TECPR2: variants seen among roughly 807,000 people sequenced by gnomAD.
TECPR2 encodes tectonin beta-propeller repeat containing 2, also known as tectonin beta-propeller repeat-containing protein 2.
In TECPR2, 65 loss-of-function variants were observed where a neutral mutation model predicts 138.1. The observed-to-expected ratio is 0.47, with a 90% CI of 0.39 to 0.58. The LOEUF is 0.58. Ranked by LOEUF, TECPR2 falls within the 20% of genes least tolerant of loss-of-function variation. The probability of loss-of-function intolerance (pLI) is 0.00; values close to 1 mark genes in which losing one functional copy is unlikely to be tolerated. For missense variants in TECPR2, 1,553 were observed against 1,824.5 expected (o/e 0.85, Z 2.71); for synonymous variants, 746 against 749.8 (o/e 0.99, Z 0.08).
Position 102,438,220 on chromosome 14 carries a change from TCCC to T in TECPR2, c.2578+16_2578+18del. 1.1e-6 allele frequency: 1 copy of T among 870,652 alleles called. No homozygotes were observed. 53.9% of individuals were successfully genotyped at this position (870,652 alleles called of 1,614,324 possible). A position where few individuals can be genotyped will look rare whatever the true frequency, so the allele number is the denominator to read the frequency against. ...CTCGCCCTCAGGTTCGCCTCCCCGC[TCCC>T]TGCTCCCGCTCCCTGCTCCCGCTCG... On this transcript the variant is annotated intron_variant, in intron 10 of 19. Coordinates refer to ENST00000359520, the MANE Select transcript of TECPR2 (RefSeq NM_014844.5).
intron 10 of TECPR2, chr14:102,438,442 G>T: frequency 2.0e-6 from 1 of 496,510 alleles, no homozygotes; most frequent in Non-Finnish European, 3.5e-6. Context: ...TTGAGTTTTT[G>T]TTTTCTTTAT....
In TECPR2 at chr14:102,481,967, G is replaced by A. The variant is rs190937357; in HGVS notation, c.3790-15012G>A. 2.3e-3 allele frequency among the ~76,000 whole-genome samples: 352 copies of A among 152,296 alleles called. 1 individual carries two copies. The highest frequency in any genetic ancestry group is 7.4e-3 in the African/African-American group (309 of 41,572). ...GGAGCTCTTCACAGCGGAGGCAGGG[G>A]ATGAATCACACCTGCAGTTCCTTGT... On this transcript the variant is annotated intron_variant, in intron 17 of 19. Coordinates refer to ENST00000359520, the MANE Select transcript of TECPR2 (RefSeq NM_014844.5).
chr14:102,441,087 C>T (rs913796775), intron 11 of TECPR2, among the ~76,000 whole-genome samples: 4 of 152,010 alleles, frequency 2.6e-5, no homozygotes, highest in Non-Finnish European at 4.4e-5. Flanking sequence ...TATTTTGAGA[C>T]GGAGTCTCGC....
At chr14:102,437,775 C>T (rs1171548584) in intron 9 of TECPR2, among the ~76,000 whole-genome samples, 1 of 152,124 alleles carries the variant, frequency 6.6e-6, no homozygotes, top group Non-Finnish European at 1.5e-5. Context: ...GGTGTTAGAA[C>T]AGGAGAAAAT....
intron 15 of TECPR2, among the ~76,000 whole-genome samples, 185 bp downstream of exon 15, chr14:102,450,834 A>AC (rs1361935304): frequency 6.6e-6 from 1 of 152,206 alleles, no homozygotes; most frequent in African/African-American, 2.4e-5. Flanking sequence ...GATAGGCCTG[A>AC]CCAGGAGAGC....
At position 102,428,320 on chromosome 14, in the gene TECPR2, T is replaced by C; in HGVS notation, c.1022T>C (p.Phe341Ser). 1 of 1,613,338 alleles carries C rather than the reference T, an allele frequency of 6.2e-7. No individual in the cohort carries two copies. Residue 341 changes from phenylalanine (F) to serine (S), a missense_variant, in exon 7 of 20, where the codon TTC (phenylalanine) becomes TCC (serine). Phe to Ser is a radical substitution (Grantham distance 155). Transcript: ENST00000359520. ...SVSCTENEIF[F>S]LKGDRNIIRI... Reference sequence around the variant, plus strand: ...TCGTGCACAGAAAATGAAATATTTTTCTTGAAAGGAGATAGGAACATTATA... The same window carrying C: ...TCGTGCACAGAAAATGAAATATTTTCCTTGAAAGGAGATAGGAACATTATA...
At chr14:102,401,648 C>CA (rs1311967258) in intron 2 of TECPR2, among the ~76,000 whole-genome samples, 1 of 149,812 alleles carries the variant, frequency 6.7e-6, no homozygotes, top group East Asian at 2.0e-4. Context: ...TTAAAAAATA[C>CA]AAAAAAATTA....
rs140888584 is a variant in TECPR2 at position 102,426,944 on chromosome 14, T to C, written c.952-1306T>C. 1.9e-3 allele frequency among the ~76,000 whole-genome samples: 290 copies of C among 152,332 alleles called. 2 individuals carry two copies. Among genetic ancestry groups the C allele is most frequent in the African/African-American group, 6.3e-3 (260 of 41,566 alleles). On this transcript the variant is annotated intron_variant, in intron 6 of 19. Coordinates refer to ENST00000359520, the MANE Select transcript of TECPR2 (RefSeq NM_014844.5). ...TTCTCCTCATTGAAGTTTTATGAATTATTATCAGCCGTACCTGGTAACACT... is the reference window on the plus strand; with the variant it reads ...TTCTCCTCATTGAAGTTTTATGAATCATTATCAGCCGTACCTGGTAACACT...
At chr14:102,486,301 T>TA (rs1359329122) in intron 17 of TECPR2, among the ~76,000 whole-genome samples, 1 of 151,882 alleles carries the variant, frequency 6.6e-6, no homozygotes, top group East Asian at 1.9e-4. Flanking sequence ...TTCTTCAAAT[T>TA]AAAAAAAAAT....
intron 16 of TECPR2, among the ~76,000 whole-genome samples, chr14:102,463,842 T>A (rs1300267866): frequency 7.0e-6 from 1 of 143,638 alleles, no homozygotes; most frequent in Non-Finnish European, 1.5e-5. Context: ...GAGAATCACT[T>A]GAACCCAGGA....
Position 102,443,380 on chromosome 14 carries a change from GCAGCTCCTGCCTGTAATCC to G in TECPR2, c.2753-262_2753-244del, listed in dbSNP as rs950151461. On this transcript the variant is annotated intron_variant, in intron 11 of 19. Transcript: ENST00000359520. This position sits in a 1 kb window ranked among gnomAD's most constrained non-coding sequence, Gnocchi z 4.9. ...GACAACAAAAAAGCGGCCGGACAGG[GCAGCTCCTGCCTGTAATCC>G]CAGCACTTTGGGAGGCTGAGGTGGG... is the stretch of plus-strand genomic sequence containing the variant. Among the ~76,000 whole-genome samples the G allele has an allele frequency of 2.0e-5, 3 of 152,174 alleles. No homozygotes were observed. The highest frequency in any genetic ancestry group is 4.8e-5 in the African/African-American group (2 of 41,430).
chr14:102,409,491 G>A (rs1888761476), intron 4 of TECPR2, among the ~76,000 whole-genome samples: 2 of 152,120 alleles, frequency 1.3e-5, no homozygotes, highest in African/African-American at 4.8e-5. Flanking sequence ...TAGAGACGGA[G>A]TTTTACCATG....
chr14:102,452,291 A>T, intron 15 of TECPR2, 103 bp from the exon 16 acceptor site: 3 of 1,146,600 alleles, frequency 2.6e-6, no homozygotes, highest in Non-Finnish European at 3.7e-6. Context: ...ATCTGTGGCC[A>T]GGTGGCTAGC....
chr14:102,475,620 A>G (rs1890741652), intron 17 of TECPR2, among the ~76,000 whole-genome samples: 1 of 152,192 alleles, frequency 6.6e-6, no homozygotes, highest in African/African-American at 2.4e-5. Flanking sequence ...AAACTGTTTC[A>G]GAGTAACTTA....
intron 2 of TECPR2, among the ~76,000 whole-genome samples, chr14:102,388,825 A>G (rs747401005): frequency 6.6e-6 from 1 of 151,976 alleles, no homozygotes; most frequent in South Asian, 2.1e-4. Flanking sequence ...GCCGGGTGAG[A>G]TGGCAGGCAC....
At chr14:102,444,400 A>G (rs1215973220) in intron 12 of TECPR2, among the ~76,000 whole-genome samples, 1 of 151,836 alleles carries the variant, frequency 6.6e-6, no homozygotes, top group East Asian at 1.9e-4. Flanking sequence ...GGTTTTCATC[A>G]TGTTGCCCAG....
At chr14:102,472,900 C>T (rs887911198) in intron 17 of TECPR2, among the ~76,000 whole-genome samples, 9 of 152,356 alleles carry the variant, frequency 5.9e-5, no homozygotes, top group South Asian at 2.1e-4. Flanking sequence ...GCGCTTCTCC[C>T]GGGCTGCTGG....
At chr14:102,453,389 AGAATTGCTT>A (rs1890196634) in intron 16 of TECPR2, among the ~76,000 whole-genome samples, 3 of 152,020 alleles carry the variant, frequency 2.0e-5, no homozygotes, top group Non-Finnish European at 4.4e-5. Context: ...CTGAGGCAGG[AGAATTGCTT>A]GAACCCGGGA....
intron 1 of TECPR2, among the ~76,000 whole-genome samples, chr14:102,363,910 G>A (rs980927953): frequency 6.6e-6 from 1 of 152,134 alleles, no homozygotes; most frequent in Non-Finnish European, 1.5e-5. Context: ...CTGCGTTCTC[G>A]CCCTCTAGTC....
Sources: allele counts gnomAD v4.1 joint callset (sites outside exome capture counted in the v4.1 genomes callset), GRCh38; gene constraint gnomAD v4.1.1; non-coding constraint Gnocchi (gnomAD v3.1); transcripts MANE v1.5; gene names NCBI Gene and HGNC (gene_info 2026-07-23, HGNC 2026-07-21).